ANKRD66: variants seen among roughly 807,000 people sequenced by gnomAD.
ANKRD66 encodes the protein ankyrin repeat domain 66.
Under a neutral mutation model 10.9 loss-of-function variants are expected in ANKRD66, and 10 were observed. The ratio of observed to expected loss-of-function variants is 0.91; its 90% CI spans 0.56 to 1.55. The LOEUF is 1.55. Among genes scored for constraint, ANKRD66 ranks in the 40% most tolerant of loss-of-function variants. ANKRD66 has a pLI of 0.00. For synonymous variants in ANKRD66, 85 were observed against 88.4 expected (o/e 0.96, Z 0.22); for missense variants, 252 against 242.9 (o/e 1.04, Z -0.25).
In ANKRD66 at chr6:46,749,917, C is replaced by T; in HGVS notation, c.-75C>T. On this transcript the variant is annotated 5_prime_UTR_variant, in exon 2 of 5. Transcript: ENST00000565422. ...CCAGGGCTGTTCTCACATTTCAATG[C>T]ACTCACCTGGAGGGCTTACCACAAC... is the stretch of plus-strand genomic sequence containing the variant. 1.3e-6 allele frequency: 2 copies of T among 1,550,590 alleles called. No homozygotes were observed. The highest frequency in any genetic ancestry group is 1.7e-6 in the Non-Finnish European group (2 of 1,146,278).
At chr6:46,750,685 T>C (rs1766251256) in intron 2 of ANKRD66, among the ~76,000 whole-genome samples, 1 of 148,770 alleles carries the variant, frequency 6.7e-6, no homozygotes, top group Admixed American at 6.7e-5. Flanking sequence ...TATACACATG[T>C]ATATTATATA....
At chr6:46,758,507 T>C (rs1441387860) in intron 4 of ANKRD66, 1 of 422,608 alleles carries the variant, frequency 2.4e-6, no homozygotes, top group Non-Finnish European at 4.2e-6. Flanking sequence ...TTTGAGTCTG[T>C]TAACATCTCA....
chr6:46,754,986 C>A (rs965330673), intron 4 of ANKRD66, among the ~76,000 whole-genome samples: 2 of 152,128 alleles, frequency 1.3e-5, no homozygotes, highest in African/African-American at 4.8e-5. Flanking sequence ...TCCTAACATA[C>A]CACAATGTGA....
At chr6:46,758,419 C>T (rs966979939) in intron 4 of ANKRD66, 9 of 271,304 alleles carry the variant, frequency 3.3e-5, no homozygotes, top group East Asian at 1.3e-4. Context: ...AAAACAGTCT[C>T]GCAATAATCT....
At chr6:46,749,135 G>A (rs1302702906) in intron 1 of ANKRD66, among the ~76,000 whole-genome samples, 1 of 152,154 alleles carries the variant, frequency 6.6e-6, no homozygotes, top group African/African-American at 2.4e-5. Context: ...TGGCCCCTCA[G>A]CAGCCCACAG....
chr6:46,755,557 T>C (rs1766365564), intron 4 of ANKRD66, among the ~76,000 whole-genome samples: 1 of 152,224 alleles, frequency 6.6e-6, no homozygotes, highest in African/African-American at 2.4e-5. Flanking sequence ...TATCCCTCCA[T>C]ATAGACTCTT....
At chr6:46,747,924 G>A (rs78345858) in intron 1 of ANKRD66, among the ~76,000 whole-genome samples, 2,495 of 152,270 alleles carry the variant, frequency 0.016, 44 homozygotes, top group Non-Finnish European at 0.025. Context: ...GTAGATCTGA[G>A]AGTCTAGAAA....
intron 2 of ANKRD66, among the ~76,000 whole-genome samples, chr6:46,751,491 AT>A (rs751205531): frequency 2.6e-5 from 4 of 151,380 alleles, no homozygotes; most frequent in East Asian, 1.9e-4. Context: ...ATCCAATATA[AT>A]TTTTTTTTGC....
chr6:46,753,661 C>T, intron 3 of ANKRD66, 61 bp from the exon 4 acceptor site: 7 of 1,462,588 alleles, frequency 4.8e-6, no homozygotes, highest in Non-Finnish European at 6.4e-6. Flanking sequence ...TGGCCCTGGC[C>T]TCAAGCCACT....
intron 4 of ANKRD66, chr6:46,758,164 C>T (rs930145176): frequency 6.6e-6 from 1 of 152,186 alleles, no homozygotes; most frequent in African/African-American, 2.4e-5. Flanking sequence ...CACCATTGGC[C>T]TCATACAAAA....
In ANKRD66 at chr6:46,749,560, C is replaced by T. The variant is rs926925193; in HGVS notation, c.-96-336C>T. ...TTTTTTCTCTTTTATTCCCCCCCCCCCCCCCCCGCTTTTTTCTTTTCCTCT... is the reference window on the plus strand; with the variant it reads ...TTTTTTCTCTTTTATTCCCCCCCCCTCCCCCCCGCTTTTTTCTTTTCCTCT... On this transcript the variant is annotated intron_variant, in intron 1 of 4. Coordinates refer to ENST00000565422, the MANE Select transcript of ANKRD66 (RefSeq NM_001162435.3). Among the ~76,000 whole-genome samples the T allele has an allele frequency of 2.7e-4, 28 of 105,166 alleles. 3 individuals are homozygous for T. Among genetic ancestry groups the T allele is most frequent in the African/African-American group, 1.0e-3 (26 of 26,108 alleles). The allele number at this position is 105,166 out of a possible 152,430, so 69.0% of individuals were successfully genotyped here.
rs187487645 is a variant in ANKRD66, at chr6:46,758,512, A to T, written c.393-211A>T. ...AGTGACTATCTTTGAGTCTGTTAAC[A>T]TCTCACTCGGGTCCCACAATTTTTC... On this transcript the variant is annotated intron_variant, in intron 4 of 4. Coordinates refer to ENST00000565422, the MANE Select transcript of ANKRD66 (RefSeq NM_001162435.3). 19 of 428,274 alleles carry T rather than the reference A, an allele frequency of 4.4e-5. No individual in the cohort carries two copies. In the East Asian group the frequency reaches 4.6e-4, roughly 10 times the overall value. 26.5% of individuals were successfully genotyped at this position (428,274 alleles called of 1,614,324 possible). A position where few individuals can be genotyped will look rare whatever the true frequency, so the allele number is the denominator to read the frequency against.
In ANKRD66 at chr6:46,758,891, GC is replaced by G. The variant is rs1008705009; in HGVS notation, c.564del (p.Ser189AlafsTer26). 1.3e-6 allele frequency: 2 copies of G among 1,551,120 alleles called. No individual in the cohort carries two copies. Among genetic ancestry groups the G allele is most frequent in the African/African-American group, 2.7e-5 (2 of 72,968 alleles). ...ATAAGAAAAGTCGAGGCCCCACCAG[GC>G]CCAGCAATACCAAGGGGAGGAGAGT... ...KNKKSRGPTR[P>X]SNTKGRRV On this transcript the variant is annotated frameshift_variant, in exon 5 of 5. Transcript: ENST00000565422. LOFTEE classifies it low-confidence loss of function (END_TRUNC).
chr6:46,750,635 CAT>C (rs1043763336), intron 2 of ANKRD66, among the ~76,000 whole-genome samples: 1 of 148,144 alleles, frequency 6.8e-6, no homozygotes, highest in African/African-American at 2.5e-5. Context: ...TACATACACA[CAT>C]ATGTATATAT....
intron 1 of ANKRD66, among the ~76,000 whole-genome samples, chr6:46,748,987 A>G (rs906291997): frequency 6.6e-6 from 1 of 152,244 alleles, no homozygotes; most frequent in Non-Finnish European, 1.5e-5. Context: ...ATCAGAGGCT[A>G]GCACACTATG....
chr6:46,750,640 G>A (rs1469028484), intron 2 of ANKRD66, among the ~76,000 whole-genome samples: 2 of 147,898 alleles, frequency 1.4e-5, no homozygotes, highest in African/African-American at 4.9e-5. Flanking sequence ...ACACACATAT[G>A]TATATATAAT....
rs1271748617 is a variant in ANKRD66 at position 46,751,996 on chromosome 6, G to T, written c.48G>T (p.Val16=). 2.0e-6 allele frequency: 3 copies of T among 1,517,050 alleles called. No homozygotes were observed. The African/African-American group carries it at 4.3e-5, about 22-fold the overall frequency. The allele number at this position is 1,517,050 out of a possible 1,614,324, so 94.0% of individuals were successfully genotyped here. A position where few individuals can be genotyped will look rare whatever the true frequency, so the allele number is the denominator to read the frequency against. The part of the protein sequence containing the change: ...MSDMTKLHQA[V]AAGDYSLVKK... ...ACATGACAAAGCTTCACCAAGCTGT[G>T]GCTGCAGGAGACTACAGCTTAGTGA... The change falls in exon 3 of 5, where the codon GTG becomes GTT. Residue 16 remains valine (V), a synonymous_variant. Transcript: ENST00000565422.
At chr6:46,751,899 T>G in intron 2 of ANKRD66, 38 bp from the exon 3 acceptor site, 1 of 1,397,524 alleles carries the variant, frequency 7.2e-7, no homozygotes. Context: ...GAATAAAGAG[T>G]TACATAGAAT....
In ANKRD66 at chr6:46,758,886, A is replaced by C; in HGVS notation, c.556A>C (p.Thr186Pro). The change falls in exon 5 of 5, where the codon ACC becomes CCC. Residue 186 changes from threonine to proline, a missense_variant. By Grantham distance (38) the Thr-to-Pro change is conservative. Coordinates refer to ENST00000565422, the MANE Select transcript of ANKRD66 (RefSeq NM_001162435.3). ...AAAGAATAAGAAAAGTCGAGGCCCC[A>C]CCAGGCCCAGCAATACCAAGGGGAG... ...NKKNKKSRGP[T>P]RPSNTKGRRV 6.4e-7 allele frequency: 1 copy of C among 1,551,440 alleles called. No homozygotes were observed. Among genetic ancestry groups the C allele is most frequent in the South Asian group, 1.2e-5 (1 of 84,044 alleles).
Sources: allele counts gnomAD v4.1 joint callset (sites outside exome capture counted in the v4.1 genomes callset), GRCh38; gene constraint gnomAD v4.1.1; transcripts MANE v1.5; gene names NCBI Gene and HGNC (gene_info 2026-07-23, HGNC 2026-07-21).